The following CLEC16A variants were observed in gnomAD, a reference collection of about 807,000 sequenced individuals.
CLEC16A encodes the protein protein CLEC16A.
Under a neutral mutation model 109.5 loss-of-function variants are expected in CLEC16A, and 51 were observed. The observed-to-expected ratio is 0.47, with a 90% CI of 0.37 to 0.59. The LOEUF is 0.59. CLEC16A is among the 20% of genes least tolerant of loss of function. The pLI, the probability that CLEC16A is intolerant of heterozygous loss-of-function variation, is 0.00. For synonymous variants in CLEC16A, 673 were observed against 564.2 expected, an observed-to-expected ratio of 1.19 and a Z score of -2.73; for missense variants, 1,339 against 1,394.0, an observed-to-expected ratio of 0.96 and a Z score of 0.63.
chr16:11,082,699 A>G (rs921697457), intron 19 of CLEC16A, among the ~76,000 whole-genome samples: 1 of 152,210 alleles, frequency 6.6e-6, no homozygotes, highest in Non-Finnish European at 1.5e-5. Context: ...CTCTTCTGGA[A>G]GGAAAGGAAC....
At chr16:11,109,708 G>A (rs9926078) in intron 19 of CLEC16A, among the ~76,000 whole-genome samples, 2 of 152,002 alleles carry the variant, frequency 1.3e-5, no homozygotes, top group Non-Finnish European at 2.9e-5. Flanking sequence ...CCCTCCAGGT[G>A]TCCTATCAGC....
intron 1 of CLEC16A, among the ~76,000 whole-genome samples, chr16:10,955,511 T>C (rs554978932): frequency 6.6e-6 from 1 of 152,124 alleles, no homozygotes; most frequent in Non-Finnish European, 1.5e-5. Context: ...TGGGGAACGC[T>C]TTACCAAGAG....
chr16:11,042,969 C>T (rs1042062822), intron 15 of CLEC16A, among the ~76,000 whole-genome samples: 2 of 150,680 alleles, frequency 1.3e-5, no homozygotes, highest in Non-Finnish European at 3.0e-5. Context: ...CGTATATTTA[C>T]ATATGTAATA....
At chr16:11,120,579 C>G in intron 19 of CLEC16A, 36 bp from the exon 20 acceptor site, 1 of 1,581,176 alleles carries the variant, frequency 6.3e-7, no homozygotes, top group Non-Finnish European at 8.6e-7. Context: ...GGCAGCCAGA[C>G]TGTGCCTCAT....
chr16:11,165,204 G>A (rs749754286), intron 22 of CLEC16A, among the ~76,000 whole-genome samples: 2 of 152,044 alleles, frequency 1.3e-5, no homozygotes, highest in Non-Finnish European at 2.9e-5. Context: ...TAAAGAACAC[G>A]TATCGGCCAG....
intron 13 of CLEC16A, among the ~76,000 whole-genome samples, chr16:11,030,258 A>C (rs867109495): frequency 6.6e-6 from 1 of 152,330 alleles, no homozygotes; most frequent in African/African-American, 2.4e-5. Context: ...CTCTTGGATA[A>C]ATACCTAGGA....
At chr16:11,115,446 T>A (rs1388909814) in intron 19 of CLEC16A, among the ~76,000 whole-genome samples, 1 of 152,202 alleles carries the variant, frequency 6.6e-6, no homozygotes, top group Non-Finnish European at 1.5e-5. Context: ...ATCACGGCTC[T>A]CTATAGCCTC....
At chr16:10,995,169 A>G (rs1257151825) in intron 10 of CLEC16A, among the ~76,000 whole-genome samples, 1 of 152,246 alleles carries the variant, frequency 6.6e-6, no homozygotes, top group African/African-American at 2.4e-5. Context: ...ATTACCTGGA[A>G]AGAGTAACAA....
Position 11,118,716 on chromosome 16 carries a change from CCAATG to C in CLEC16A, c.2117-1898_2117-1894del, listed in dbSNP as rs1246909106. ...CTTAGTCATACATTCTTTGCATAGA[CCAATG>C]TCCAGAGAGTTTTCCCCAGATTTTC... On this transcript the variant is annotated intron_variant, in intron 19 of 23. Coordinates refer to ENST00000409790, the MANE Select transcript of CLEC16A (RefSeq NM_015226.3). Among the ~76,000 whole-genome samples, 4 of 152,302 alleles carry C rather than the reference CCAATG, an allele frequency of 2.6e-5. No individual in the cohort carries two copies. In the East Asian group the frequency reaches 7.7e-4, roughly 29 times the overall value.
intron 19 of CLEC16A, among the ~76,000 whole-genome samples, chr16:11,068,327 G>A (rs2048876982): frequency 6.6e-6 from 1 of 152,218 alleles, no homozygotes; most frequent in South Asian, 2.1e-4. Context: ...GCATTTGCAA[G>A]CGAATTTTAT....
chr16:11,180,437 C>G lies in CLEC16A; in HGVS notation c.*1747C>G, dbSNP rs979726663. On this transcript the variant is annotated 3_prime_UTR_variant, in exon 24 of 24. Transcript: ENST00000409790. ...AGAAACCCAAAGGAAGGACAAACCACGACCACCGTGGCCATCTGCAGAATC... is the reference window on the plus strand; with the variant it reads ...AGAAACCCAAAGGAAGGACAAACCAGGACCACCGTGGCCATCTGCAGAATC... The G allele has an allele frequency of 1.3e-5, 2 of 152,492 alleles. No individual in the cohort carries two copies. Among genetic ancestry groups the G allele is most frequent in the Non-Finnish European group, 2.9e-5 (2 of 68,216 alleles). The allele number at this position is 152,492 out of a possible 1,614,324, so 9.4% of individuals were successfully genotyped here. A position where few individuals can be genotyped will look rare whatever the true frequency, so the allele number is the denominator to read the frequency against.
chr16:11,044,769 A>G (rs1237737441), intron 16 of CLEC16A, among the ~76,000 whole-genome samples: 7 of 152,060 alleles, frequency 4.6e-5, no homozygotes, highest in African/African-American at 1.7e-4. Context: ...CGTCTCTACT[A>G]AAAATACAAA....
rs138321395 is a variant in CLEC16A, at chr16:11,121,651, A to C, written c.2268+885A>C. Reference sequence around the variant, plus strand: ...TCCCAGCACTTTGAGGGGCCAAGTCAGGTGGATCACTTGAGGTCAGGAGTT... The same window carrying C: ...TCCCAGCACTTTGAGGGGCCAAGTCCGGTGGATCACTTGAGGTCAGGAGTT... On this transcript the variant is annotated intron_variant, in intron 20 of 23. Transcript: ENST00000409790. 9.0e-3 allele frequency among the ~76,000 whole-genome samples: 1,372 copies of C among 151,796 alleles called. 17 individuals are homozygous for C. The highest frequency in any genetic ancestry group is 0.032 in the African/African-American group (1,335 of 41,380).
intron 19 of CLEC16A, among the ~76,000 whole-genome samples, chr16:11,064,297 C>T (rs1426750736): frequency 6.6e-6 from 1 of 152,218 alleles, no homozygotes; most frequent in African/African-American, 2.4e-5. Flanking sequence ...CTCCCCAGCC[C>T]CAGCTGCTGC....
chr16:11,034,909 GTGTC>G (rs200898987), intron 13 of CLEC16A, among the ~76,000 whole-genome samples: 4,513 of 152,214 alleles, frequency 0.03, 87 homozygotes, highest in Middle Eastern at 0.065. Flanking sequence ...GTGTGAATGA[GTGTC>G]TGTGTGTGTA....
intron 19 of CLEC16A, among the ~76,000 whole-genome samples, chr16:11,073,881 C>G (rs1333739525): frequency 6.6e-6 from 1 of 152,252 alleles, no homozygotes; most frequent in Non-Finnish European, 1.5e-5. Flanking sequence ...GAAGGACTTT[C>G]ATTAACATAG....
chr16:10,986,461 C>G (rs763471719), intron 10 of CLEC16A, among the ~76,000 whole-genome samples: 5 of 152,174 alleles, frequency 3.3e-5, no homozygotes, highest in Non-Finnish European at 5.9e-5. Flanking sequence ...ATCTTGCATA[C>G]TGAAACTTCA....
At chr16:10,971,581 CT>C (rs1303120360) in intron 5 of CLEC16A, 10 of 946,076 alleles carry the variant, frequency 1.1e-5, no homozygotes, top group Non-Finnish European at 1.3e-5. Context: ...GTGAAATATA[CT>C]TTAATACAGC....
intron 22 of CLEC16A, among the ~76,000 whole-genome samples, chr16:11,128,306 C>T (rs2052968124): frequency 6.6e-6 from 1 of 152,238 alleles, no homozygotes; most frequent in African/African-American, 2.4e-5. Flanking sequence ...TTCTACCCTG[C>T]CTGGCCTTCC....
Sources: gnomAD v4.1 joint callset for allele counts (sites outside exome capture counted in the v4.1 genomes callset) on GRCh38, gnomAD v4.1.1 for gene constraint, MANE v1.5 for transcripts, NCBI Gene and HGNC (gene_info 2026-07-23, HGNC 2026-07-21) for gene names.